The following SPTBN1 variants were observed in gnomAD, a reference collection of about 807,000 sequenced individuals.
SPTBN1 encodes the protein spectrin beta chain, non-erythrocytic 1.
Under a neutral mutation model 266.4 loss-of-function variants are expected in SPTBN1, and 32 were observed. The observed-to-expected ratio is 0.12, with a 90% confidence interval of 0.09 to 0.16. SPTBN1 has a LOEUF of 0.16. Ranked by LOEUF, SPTBN1 falls within the 10% of genes least tolerant of loss-of-function variation. The pLI is 1.00. For missense variants in SPTBN1, 2,296 were observed against 3,067.1 expected (o/e 0.75, Z 5.94); for synonymous variants, 1,336 against 1,162.2 (o/e 1.15, Z -3.04).
chr2:54,554,227 G>C lies in SPTBN1; in HGVS notation c.148+27661G>C, dbSNP rs920890881. ...CTGGATATACTCTGAGCATATGGGA[G>C]AAACAGCAGAGGTGGGGAGATGGGG... On this transcript the variant is annotated intron_variant, in intron 2 of 35. Coordinates refer to ENST00000356805, the MANE Select transcript of SPTBN1 (RefSeq NM_003128.3). This position sits in a 1 kb window ranked among gnomAD's most constrained non-coding sequence, Gnocchi z 4.5. Among the ~76,000 whole-genome samples, 1 of 152,330 alleles carries C rather than the reference G, an allele frequency of 6.6e-6. No homozygotes were observed. Among genetic ancestry groups the C allele is most frequent in the Non-Finnish European group, 1.5e-5 (1 of 68,026 alleles).
In SPTBN1 at chr2:54,640,004, G is replaced by A. The variant is rs181423348; in HGVS notation, c.3858+2201G>A. 4.6e-3 allele frequency among the ~76,000 whole-genome samples: 694 copies of A among 152,236 alleles called. 9 individuals are homozygous for A. Among genetic ancestry groups the A allele is most frequent in the African/African-American group, 0.016 (663 of 41,522 alleles). ...AGCCATAGTGTCTGTGGGAGGTGTC[G>A]GGTGTCCCACACCAGCATGTATAGT... is the stretch of plus-strand genomic sequence containing the variant. On this transcript the variant is annotated intron_variant, in intron 18 of 35. Transcript: ENST00000356805.
intron 2 of SPTBN1, among the ~76,000 whole-genome samples, chr2:54,534,820 G>C (rs1671503679): frequency 6.6e-6 from 1 of 152,184 alleles, no homozygotes; most frequent in Non-Finnish European, 1.5e-5. Flanking sequence ...CGTGCTCCCA[G>C]AGTTTCTGAC....
Position 54,623,750 on chromosome 2 carries a change from G to A in SPTBN1, c.1182+154G>A, listed in dbSNP as rs372792805. ...CAGCTGGTGCTCAGGTGTGGCAAAGGACCAAGCAAGCAATGGTACCGGGTT... is the reference window on the plus strand; with the variant it reads ...CAGCTGGTGCTCAGGTGTGGCAAAGAACCAAGCAAGCAATGGTACCGGGTT... On this transcript the variant is annotated intron_variant, in intron 10 of 35. Transcript: ENST00000356805. Among the ~76,000 whole-genome samples, 4 of 152,308 alleles carry A rather than the reference G, an allele frequency of 2.6e-5. No individual in the cohort carries two copies. The South Asian group carries it at 8.3e-4, about 32-fold the overall frequency.
intron 26 of SPTBN1, among the ~76,000 whole-genome samples, chr2:54,650,327 A>AT (rs1206666713): frequency 2.0e-5 from 3 of 152,196 alleles, no homozygotes; most frequent in African/African-American, 7.2e-5. Flanking sequence ...ATATTTTACT[A>AT]TTTTTCATCA....
chr2:54,553,639 C>G (rs907610807), intron 2 of SPTBN1, among the ~76,000 whole-genome samples: 1 of 152,182 alleles, frequency 6.6e-6, no homozygotes, highest in Non-Finnish European at 1.5e-5. Context: ...AAACACAATC[C>G]TATATGAAAC....
At chr2:54,650,504 T>G (rs1296712621) in intron 26 of SPTBN1, among the ~76,000 whole-genome samples, 11 of 152,240 alleles carry the variant, frequency 7.2e-5, no homozygotes. Context: ...TCTAGTTTCC[T>G]TTCTGATCTC....
At chr2:54,560,987 C>A (rs139989014) in intron 2 of SPTBN1, among the ~76,000 whole-genome samples, 179 of 152,286 alleles carry the variant, frequency 1.2e-3, no homozygotes, top group African/African-American at 4.1e-3. Flanking sequence ...ATTTGTAGTT[C>A]TGATTATCAC....
intron 2 of SPTBN1, among the ~76,000 whole-genome samples, chr2:54,555,099 C>T (rs1218534276): frequency 1.3e-5 from 2 of 152,132 alleles, no homozygotes; most frequent in Admixed American, 1.3e-4. Flanking sequence ...GAGTCTCTCT[C>T]CTTAGATTTT....
chr2:54,562,977 C>A (rs1046158333), intron 2 of SPTBN1, among the ~76,000 whole-genome samples: 1 of 152,072 alleles, frequency 6.6e-6, no homozygotes, highest in African/African-American at 2.4e-5. Context: ...ATGTACCAGT[C>A]AGAGCTTTCT....
chr2:54,621,543 G>C (rs1558436373), intron 8 of SPTBN1, 31 bp downstream of exon 8: 2 of 1,575,020 alleles, frequency 1.3e-6, no homozygotes, highest in Non-Finnish European at 1.7e-6. Context: ...TGAGTTGTGA[G>C]ACATAATTAA....
chr2:54,518,150 T>C (rs1211750465), intron 1 of SPTBN1, among the ~76,000 whole-genome samples: 1 of 152,136 alleles, frequency 6.6e-6, no homozygotes, highest in African/African-American at 2.4e-5. Context: ...ATCTCGGTCC[T>C]TTTTTGGCAC....
At chr2:54,659,755 G>A (rs1218295857) in intron 31 of SPTBN1, among the ~76,000 whole-genome samples, 181 bp from the exon 32 acceptor site, 2 of 152,110 alleles carry the variant, frequency 1.3e-5, no homozygotes, top group African/African-American at 4.8e-5. Flanking sequence ...TCCTGTAGTC[G>A]TATTTTTCTG....
Position 54,645,567 on chromosome 2 carries a change from C to A in SPTBN1, c.4494+114C>A. ...CCTTGGGCCACGTTGGCAAGCTGAG[C>A]TGCCAAAGTCCACGCTCTGGATGGT... On this transcript the variant is annotated intron_variant, in intron 21 of 35. Coordinates refer to ENST00000356805, the MANE Select transcript of SPTBN1 (RefSeq NM_003128.3). This position sits in a 1 kb window ranked among gnomAD's most constrained non-coding sequence, Gnocchi z 4.3. 9.2e-7 allele frequency: 1 copy of A among 1,083,300 alleles called. No homozygotes were observed. Among genetic ancestry groups the A allele is most frequent in the Non-Finnish European group, 1.3e-6 (1 of 750,436 alleles). 67.1% of individuals were successfully genotyped at this position (1,083,300 alleles called of 1,614,324 possible). A position where few individuals can be genotyped will look rare whatever the true frequency, so the allele number is the denominator to read the frequency against.
chr2:54,557,820 C>G (rs1672975823), intron 2 of SPTBN1: 1 of 985,326 alleles, frequency 1.0e-6, no homozygotes. Flanking sequence ...CTTCACTGAG[C>G]CCGAACTTAC....
intron 10 of SPTBN1, 34 bp downstream of exon 10, chr2:54,623,630 C>T (rs1262059305): frequency 6.5e-7 from 1 of 1,544,420 alleles, no homozygotes; most frequent in Non-Finnish European, 8.9e-7. Flanking sequence ...TGGGCCCTGA[C>T]CTCCTGGAGG....
At chr2:54,630,730 G>C (rs1678675700) in intron 15 of SPTBN1, 125 bp from the exon 16 acceptor site, 3 of 1,203,838 alleles carry the variant, frequency 2.5e-6, no homozygotes, top group Non-Finnish European at 3.3e-6. Flanking sequence ...TTCCAAAAAA[G>C]CATGTAGTCA....
intron 2 of SPTBN1, chr2:54,557,779 C>T: frequency 2.0e-6 from 2 of 985,448 alleles, no homozygotes; most frequent in South Asian, 4.7e-5. Flanking sequence ...GCCTTCATAT[C>T]CCCTGATGGC....
At chr2:54,519,379 A>C (rs1670292279) in intron 1 of SPTBN1, among the ~76,000 whole-genome samples, 1 of 152,212 alleles carries the variant, frequency 6.6e-6, no homozygotes, top group Non-Finnish European at 1.5e-5. Context: ...GAGGGAGTGC[A>C]TGTGGGCACT....
At chr2:54,567,383 A>C (rs1673735755) in intron 2 of SPTBN1, among the ~76,000 whole-genome samples, 1 of 152,082 alleles carries the variant, frequency 6.6e-6, no homozygotes, top group South Asian at 2.1e-4. Flanking sequence ...TCTGTCACAC[A>C]GGCTGGAGTG....
Sources: gnomAD v4.1 joint callset for allele counts (sites outside exome capture counted in the v4.1 genomes callset) on GRCh38, gnomAD v4.1.1 for gene constraint, Gnocchi (gnomAD v3.1) non-coding constraint, MANE v1.5 for transcripts, NCBI Gene and HGNC (gene_info 2026-07-23, HGNC 2026-07-21) for gene names.